The following PPFIA2 variants were observed in gnomAD, a reference collection of about 807,000 sequenced individuals.
The protein encoded by PPFIA2 is PPFI scaffold protein A2, also known as liprin-alpha-2.
A neutral mutation model predicts 175.5 loss-of-function variants in PPFIA2; 46 were observed. That is an observed-to-expected ratio of 0.26 (90% CI 0.21 to 0.34). The LOEUF is 0.34. Among genes scored for constraint, PPFIA2 ranks in the 10% least tolerant of loss-of-function variants. The probability of loss-of-function intolerance (pLI) is 1.00; values close to 1 mark genes in which losing one functional copy is unlikely to be tolerated. For missense variants in PPFIA2, 1,179 were observed against 1,506.1 expected (o/e 0.78, Z 3.60); for synonymous variants, 568 against 511.4 (o/e 1.11, Z -1.49).
chr12:81,278,704 C>A (rs1025950977), intron 27 of PPFIA2, among the ~76,000 whole-genome samples: 1 of 151,998 alleles, frequency 6.6e-6, no homozygotes, highest in African/African-American at 2.4e-5. Context: ...ATAAACCAGG[C>A]ATGTTCTGAG....
chr12:81,743,208 G>A (rs1411950271), intron 3 of PPFIA2, among the ~76,000 whole-genome samples: 1 of 151,492 alleles, frequency 6.6e-6, no homozygotes, highest in Non-Finnish European at 1.5e-5. Context: ...CACGAGGTCA[G>A]GAGATGGAGA....
chr12:81,295,104 G>T, intron 23 of PPFIA2, 69 bp from the exon 24 acceptor site: 1 of 1,415,478 alleles, frequency 7.1e-7, no homozygotes. Flanking sequence ...TCATATGCTA[G>T]GAATTATTTT....
chr12:81,686,474 T>C (rs1244213080), intron 3 of PPFIA2, among the ~76,000 whole-genome samples: 1 of 152,076 alleles, frequency 6.6e-6, no homozygotes, highest in African/African-American at 2.4e-5. Flanking sequence ...ATAAATTTTG[T>C]GTGTCGCTTT....
intron 4 of PPFIA2, among the ~76,000 whole-genome samples, chr12:81,657,152 A>G (rs535737326): frequency 7.0e-4 from 107 of 152,338 alleles, no homozygotes; most frequent in African/African-American, 2.4e-3. Context: ...TTTTCCTTCC[A>G]GATGAGTGCT....
At chr12:81,314,221 A>T (rs1018693516) in intron 22 of PPFIA2, among the ~76,000 whole-genome samples, 16 of 152,010 alleles carry the variant, frequency 1.1e-4, no homozygotes, top group African/African-American at 3.8e-4. Flanking sequence ...TATATTATAA[A>T]CTTCATATAG....
At chr12:81,262,118 C>G (rs1284310483) in intron 31 of PPFIA2, 78 bp from the exon 32 acceptor site, 2 of 1,016,888 alleles carry the variant, frequency 2.0e-6, no homozygotes, top group Non-Finnish European at 3.0e-6. Context: ...TTTATTTTCC[C>G]TGCATACAGG....
At chr12:81,368,277 G>A in intron 13 of PPFIA2, 1 of 649,206 alleles carries the variant, frequency 1.5e-6, no homozygotes, top group Non-Finnish European at 2.4e-6. Context: ...TACTGGGATT[G>A]ATACTAGTTC....
At chr12:81,375,707 G>A (rs748631485) in intron 10 of PPFIA2, 89 bp downstream of exon 10, 1 of 1,326,886 alleles carries the variant, frequency 7.5e-7, no homozygotes, top group Non-Finnish European at 1.1e-6. Context: ...TCAAACATCT[G>A]TCAAGAAGTA....
At chr12:81,286,997 T>A (rs138724400) in intron 24 of PPFIA2, among the ~76,000 whole-genome samples, 88 of 152,116 alleles carry the variant, frequency 5.8e-4, no homozygotes, top group African/African-American at 2.0e-3. Context: ...ATTACATTAC[T>A]TGGAATAAAT....
At chr12:81,602,923 CT>C (rs1336696845) in intron 4 of PPFIA2, among the ~76,000 whole-genome samples, 3 of 151,798 alleles carry the variant, frequency 2.0e-5, no homozygotes, top group Non-Finnish European at 4.4e-5. Context: ...TTTTAAATAA[CT>C]ATCAAACATC....
At chr12:81,351,059 C>T (rs143038260) in intron 17 of PPFIA2, among the ~76,000 whole-genome samples, 2 of 152,222 alleles carry the variant, frequency 1.3e-5, no homozygotes, top group Non-Finnish European at 2.9e-5. Context: ...AAGCTGATGT[C>T]ATTGGAATTC....
chr12:81,527,650 C>T (rs185860168), intron 4 of PPFIA2, among the ~76,000 whole-genome samples: 2 of 152,150 alleles, frequency 1.3e-5, no homozygotes, highest in Admixed American at 6.6e-5. Context: ...TATTTAATTA[C>T]AATTTATTAT....
chr12:81,418,581 C>T (rs2045723522), intron 7 of PPFIA2, among the ~76,000 whole-genome samples: 1 of 151,956 alleles, frequency 6.6e-6, no homozygotes, highest in African/African-American at 2.4e-5. Flanking sequence ...ATTGTTTTCA[C>T]TCCACAATGG....
intron 4 of PPFIA2, chr12:81,598,247 C>T: frequency 7.4e-7 from 1 of 1,342,644 alleles, no homozygotes; most frequent in East Asian, 2.9e-5. Flanking sequence ...TTTTGTGAAG[C>T]TAGTTCTCTA....
chr12:81,654,846 C>T (rs754241968), intron 4 of PPFIA2, among the ~76,000 whole-genome samples: 6 of 152,056 alleles, frequency 3.9e-5, no homozygotes, highest in Non-Finnish European at 8.8e-5. Context: ...ACTTGGGAAG[C>T]GCTTCTTCTT....
intron 7 of PPFIA2, among the ~76,000 whole-genome samples, chr12:81,413,177 C>G (rs2044307632): frequency 6.6e-6 from 1 of 151,680 alleles, no homozygotes. Flanking sequence ...TGATTCATTA[C>G]TTATTCTCAG....
At chr12:81,306,400 C>T (rs2049169115) in intron 22 of PPFIA2, among the ~76,000 whole-genome samples, 1 of 151,948 alleles carries the variant, frequency 6.6e-6, no homozygotes, top group Non-Finnish European at 1.5e-5. Context: ...AGCTGATAAC[C>T]CATCTAATAG....
chr12:81,579,769 C>T (rs1000107389), intron 4 of PPFIA2, among the ~76,000 whole-genome samples: 24 of 151,880 alleles, frequency 1.6e-4, no homozygotes, highest in Middle Eastern at 3.4e-3. Context: ...TAGACGGTAC[C>T]GTTTGTAGTG....
chr12:81,618,146 G>C lies in PPFIA2; in HGVS notation c.303+58645C>G, dbSNP rs574780208. 7.0e-4 allele frequency among the ~76,000 whole-genome samples: 106 copies of C among 152,244 alleles called. 2 individuals are homozygous for C. The South Asian group carries it at 0.021, about 30-fold the overall frequency. On this transcript the variant is annotated intron_variant, in intron 4 of 32. Coordinates refer to ENST00000549396, the MANE Select transcript of PPFIA2 (RefSeq NM_003625.5). ...GAAACATCTGTCAACACTTCTGAGA[G>C]GCCCAGTCTAAACAGTGTAAAAAGG...
Sources: gnomAD v4.1 joint callset for allele counts (sites outside exome capture counted in the v4.1 genomes callset) on GRCh38, gnomAD v4.1.1 for gene constraint, MANE v1.5 for transcripts, NCBI Gene and HGNC (gene_info 2026-07-23, HGNC 2026-07-21) for gene names.